The following ITGA11 variants were observed in gnomAD, a reference collection of about 807,000 sequenced individuals.
ITGA11 encodes integrin subunit alpha 11.
Under a neutral mutation model 141.9 loss-of-function variants are expected in ITGA11, and 97 were observed. That is an observed-to-expected ratio of 0.68 (90% confidence interval 0.58 to 0.81). The LOEUF (loss-of-function observed/expected upper bound fraction) is 0.81, where lower values mean the gene tolerates loss of function less well. Among genes scored for constraint, ITGA11 ranks in the 30% least tolerant of loss-of-function variants. The pLI is 0.00. For synonymous variants in ITGA11, 658 were observed against 624.6 expected (o/e 1.05, Z -0.80); for missense variants, 1,387 against 1,559.2 (o/e 0.89, Z 1.86).
intron 7 of ITGA11, among the ~76,000 whole-genome samples, chr15:68,354,214 C>G (rs1349796363): frequency 2.6e-5 from 4 of 152,144 alleles, no homozygotes; most frequent in Non-Finnish European, 5.9e-5. Flanking sequence ...AGAATGTCAG[C>G]TCACGATGGC....
chr15:68,383,222 G>C (rs1895904465), intron 2 of ITGA11, among the ~76,000 whole-genome samples: 1 of 150,802 alleles, frequency 6.6e-6, no homozygotes, highest in Non-Finnish European at 1.5e-5. Flanking sequence ...AGTGAGCCGA[G>C]ATCATGCCAC....
intron 12 of ITGA11, 101 bp from the exon 13 acceptor site, chr15:68,332,579 C>T: frequency 1.4e-6 from 2 of 1,397,128 alleles, no homozygotes; most frequent in South Asian, 2.8e-5. Context: ...CATCCTTTGA[C>T]TCAGAATTTT....
intron 4 of ITGA11, 64 bp downstream of exon 4, chr15:68,364,643 C>T (rs1313999183): frequency 3.1e-6 from 3 of 955,504 alleles, no homozygotes; most frequent in Non-Finnish European, 5.0e-6. Context: ...TAAGGAGACG[C>T]TCCACCCCTC....
chr15:68,398,279 T>C (rs1477211979), intron 2 of ITGA11, among the ~76,000 whole-genome samples: 2 of 151,872 alleles, frequency 1.3e-5, no homozygotes, highest in Admixed American at 6.6e-5. Context: ...GAGACACACA[T>C]AGGCTCAAAA....
intron 13 of ITGA11, 33 bp from the exon 14 acceptor site, chr15:68,332,095 G>C: frequency 6.5e-7 from 1 of 1,541,128 alleles, no homozygotes; most frequent in Non-Finnish European, 8.8e-7. Flanking sequence ...AGGCTGGGGA[G>C]GGTTTGGCAA....
intron 1 of ITGA11, among the ~76,000 whole-genome samples, chr15:68,422,791 G>A (rs1384300182): frequency 3.3e-5 from 5 of 152,158 alleles, no homozygotes; most frequent in Admixed American, 1.3e-4. Flanking sequence ...GCCAGACCCA[G>A]TCCTTCTTGC....
Position 68,303,017 on chromosome 15 carries a change from TG to T in ITGA11, c.*41del. On this transcript the variant is annotated 3_prime_UTR_variant, in exon 30 of 30. Transcript: ENST00000315757. The surrounding 1 kb of genome is among the most constrained non-coding windows in gnomAD (Gnocchi z 5.3). ...GCCTGGGTCTCAACACTACCTGGACTGGTGTCCTGGCCCCCATCAACTCAAA... is the reference window on the plus strand; with the variant it reads ...GCCTGGGTCTCAACACTACCTGGACTGTGTCCTGGCCCCCATCAACTCAAA... 1 of 1,481,092 alleles carries T rather than the reference TG, an allele frequency of 6.8e-7. No individual in the cohort carries two copies. The allele number at this position is 1,481,092 out of a possible 1,614,324, so 91.7% of individuals were successfully genotyped here.
chr15:68,336,385 A>G (rs974245679), intron 11 of ITGA11, among the ~76,000 whole-genome samples: 2 of 152,180 alleles, frequency 1.3e-5, no homozygotes, highest in African/African-American at 2.4e-5. Context: ...ATGGGGTCTC[A>G]GGGATTCTTG....
intron 9 of ITGA11, among the ~76,000 whole-genome samples, 183 bp downstream of exon 9, chr15:68,350,434 C>T (rs1030117978): frequency 6.6e-6 from 1 of 152,176 alleles, no homozygotes; most frequent in Non-Finnish European, 1.5e-5. Context: ...AAGCAATTCG[C>T]TCACCTTGGC....
intron 10 of ITGA11, among the ~76,000 whole-genome samples, chr15:68,343,228 T>C (rs1308253792): frequency 6.6e-6 from 1 of 152,146 alleles, no homozygotes; most frequent in African/African-American, 2.4e-5. Flanking sequence ...CGTTCGTCAT[T>C]GCGGTAGCAT....
chr15:68,351,178 T>C, intron 8 of ITGA11, 80 bp downstream of exon 8: 5 of 1,444,254 alleles, frequency 3.5e-6, no homozygotes, highest in Non-Finnish European at 4.8e-6. Context: ...TGCCTGGAAC[T>C]AGTCCCTTGG....
At chr15:68,343,843 G>A (rs1894648943) in intron 10 of ITGA11, among the ~76,000 whole-genome samples, 1 of 152,198 alleles carries the variant, frequency 6.6e-6, no homozygotes, top group Non-Finnish European at 1.5e-5. Flanking sequence ...ACCTGAGGAA[G>A]GGATGAATGG....
intron 7 of ITGA11, among the ~76,000 whole-genome samples, chr15:68,354,698 C>T (rs1895016790): frequency 6.6e-6 from 1 of 152,180 alleles, no homozygotes; most frequent in Non-Finnish European, 1.5e-5. Context: ...TGGCAGTTCT[C>T]CTTGGCCACT....
chr15:68,416,366 G>A (rs921400120), intron 1 of ITGA11, among the ~76,000 whole-genome samples: 1 of 152,212 alleles, frequency 6.6e-6, no homozygotes, highest in Non-Finnish European at 1.5e-5. Context: ...GGCTGAAACA[G>A]AGACTCACAG....
In ITGA11 at chr15:68,421,010, T is replaced by TTC. The variant is rs1897006822; in HGVS notation, c.52+11004_52+11005insGA. ...GCATGTTGGAGTAAACTGCCTGAGG[T>TTC]TTGGTGGGCAGGATGCCGGAGTGTG... On this transcript the variant is annotated intron_variant, in intron 1 of 29. Transcript: ENST00000315757. Among the ~76,000 whole-genome samples, 2 of 9,216 alleles carry TTC rather than the reference T, an allele frequency of 2.2e-4. 1 individual carries two copies. Among genetic ancestry groups the TTC allele is most frequent in the Non-Finnish European group, 4.5e-4 (2 of 4,406 alleles). 6.0% of individuals were successfully genotyped at this position (9,216 alleles called of 152,430 possible).
chr15:68,305,491 G>A lies in ITGA11; in HGVS notation c.3382-1606C>T, dbSNP rs564976424. Among the ~76,000 whole-genome samples the A allele has an allele frequency of 7.2e-5, 11 of 152,282 alleles. 1 individual carries two copies. Among genetic ancestry groups the A allele is most frequent in the Admixed American group, 3.3e-4 (5 of 15,304 alleles). On this transcript the variant is annotated intron_variant, in intron 28 of 29. Transcript: ENST00000315757. This position sits in a 1 kb window ranked among gnomAD's most constrained non-coding sequence, Gnocchi z 4.6. The stretch of plus-strand genomic sequence containing the variant: ...TATCCTCAGAACCTGGAGCCGTGCC[G>A]GGAATGTAGCAGGAGCTCAGCTAAC...
chr15:68,395,921 C>T (rs188787873), intron 2 of ITGA11, among the ~76,000 whole-genome samples: 26 of 151,236 alleles, frequency 1.7e-4, no homozygotes, highest in South Asian at 6.3e-4. Flanking sequence ...AATCTTCCCA[C>T]GAAACAACCC....
intron 2 of ITGA11, among the ~76,000 whole-genome samples, chr15:68,376,811 C>T (rs568528376): frequency 6.6e-6 from 1 of 152,348 alleles, no homozygotes; most frequent in South Asian, 2.1e-4. Flanking sequence ...GGTTTCCACA[C>T]TTGCTGGTCA....
At position 68,368,860 on chromosome 15, in the gene ITGA11, C is replaced by CT. The variant is rs34788905; in HGVS notation, c.265+323dup. ...AAAATCAGGAAAAAGACAGGAAGTC[C>CT]TTTTTTTTTTTTTTTTCTCCTGGGA... On this transcript the variant is annotated intron_variant, in intron 3 of 29. Coordinates refer to ENST00000315757, the MANE Select transcript of ITGA11 (RefSeq NM_001004439.2). Among the ~76,000 whole-genome samples the CT allele has an allele frequency of 6.7e-3, 898 of 134,782 alleles. 45 individuals are homozygous for CT. Among genetic ancestry groups the CT allele is most frequent in the African/African-American group, 0.016 (565 of 35,980 alleles). The allele number at this position is 134,782 out of a possible 152,430, so 88.4% of individuals were successfully genotyped here.
Sources: gnomAD v4.1 joint callset for allele counts (sites outside exome capture counted in the v4.1 genomes callset) on GRCh38, gnomAD v4.1.1 for gene constraint, Gnocchi (gnomAD v3.1) non-coding constraint, MANE v1.5 for transcripts, NCBI Gene and HGNC (gene_info 2026-07-23, HGNC 2026-07-21) for gene names.